Variants in PXDNL observed in about 807,000 individuals in gnomAD.
PXDNL encodes the protein probable oxidoreductase PXDNL.
A neutral mutation model predicts 150.8 loss-of-function variants in PXDNL; 145 were observed. That is an observed-to-expected ratio of 0.96 (90% CI 0.84 to 1.10). The LOEUF is 1.10. PXDNL is among the 50% of genes least tolerant of loss of function. The pLI, the probability that PXDNL is intolerant of heterozygous loss-of-function variation, is 0.00. For synonymous variants in PXDNL, 757 were observed against 725.7 expected (o/e 1.04, Z -0.69); for missense variants, 2,087 against 1,873.9 (o/e 1.11, Z -2.10).
chr8:51,670,327 G>A lies in PXDNL; in HGVS notation c.165-15567C>T, dbSNP rs536107767. Among the ~76,000 whole-genome samples the A allele has an allele frequency of 1.7e-3, 265 of 152,220 alleles. 1 individual carries two copies. Among genetic ancestry groups the A allele is most frequent in the African/African-American group, 5.2e-3 (214 of 41,540 alleles). ...ATGCCTGACTTAATGATGGGGATACGTTCATAGAAATATGTTGTTCGATGA... is the reference window on the plus strand; with the variant it reads ...ATGCCTGACTTAATGATGGGGATACATTCATAGAAATATGTTGTTCGATGA... On this transcript the variant is annotated intron_variant, in intron 1 of 22. Transcript: ENST00000356297.
chr8:51,637,249 A>G (rs1288278659), intron 2 of PXDNL, among the ~76,000 whole-genome samples: 2 of 152,248 alleles, frequency 1.3e-5, no homozygotes, highest in East Asian at 1.9e-4. Context: ...AAAGATGGGG[A>G]AAAAAACAGA....
chr8:51,742,271 G>A (rs4311651), intron 1 of PXDNL, among the ~76,000 whole-genome samples: 21,904 of 152,156 alleles, frequency 0.14, 1,989 homozygotes, highest in Non-Finnish European at 0.2. Flanking sequence ...TGTAAAAGGG[G>A]GGCAGGGTCA....
At position 51,654,675 on chromosome 8, in the gene PXDNL, C is replaced by T. The variant is rs756105646; in HGVS notation, c.236+14G>A. On this transcript the variant is annotated intron_variant, in intron 2 of 22. Coordinates refer to ENST00000356297, the MANE Select transcript of PXDNL (RefSeq NM_144651.5). ...TAATTTTAGGAACCTTACAGATAAG[C>T]AATAAGTACTCACAGTGTGTTCAAA... is the stretch of plus-strand genomic sequence containing the variant. 36 of 1,600,158 alleles carry T rather than the reference C, an allele frequency of 2.2e-5. 1 individual carries two copies. Among genetic ancestry groups the T allele is most frequent in the Non-Finnish European group, 2.9e-5 (34 of 1,168,148 alleles).
At position 51,809,394 on chromosome 8, in the gene PXDNL, C is replaced by T. The variant is rs2037711908; in HGVS notation, c.-50G>A. ...GAAGAAGCAGCCGGAGGGAGAGCAG[C>T]AGCTGCAGCTGCAGCAGCAACCGCA... On this transcript the variant is annotated 5_prime_UTR_variant, in exon 1 of 23. Coordinates refer to ENST00000356297, the MANE Select transcript of PXDNL (RefSeq NM_144651.5). 2.0e-6 allele frequency: 3 copies of T among 1,467,364 alleles called. No homozygotes were observed. The highest frequency in any genetic ancestry group is 2.7e-6 in the Non-Finnish European group (3 of 1,105,840). 90.9% of individuals were successfully genotyped at this position (1,467,364 alleles called of 1,614,324 possible).
chr8:51,485,470 T>C (rs955998342), intron 5 of PXDNL, among the ~76,000 whole-genome samples: 8 of 152,204 alleles, frequency 5.3e-5, no homozygotes, highest in Non-Finnish European at 8.8e-5. Flanking sequence ...TGTCCGATTT[T>C]AGCAAGAACC....
At chr8:51,661,282 G>T (rs2130812586) in intron 1 of PXDNL, among the ~76,000 whole-genome samples, 2 of 152,314 alleles carry the variant, frequency 1.3e-5, no homozygotes, top group African/African-American at 4.8e-5. Flanking sequence ...ATCTTCCGCT[G>T]TTGATTGCTG....
At chr8:51,625,732 T>C (rs2130743930) in intron 2 of PXDNL, among the ~76,000 whole-genome samples, 1 of 152,292 alleles carries the variant, frequency 6.6e-6, no homozygotes, top group Non-Finnish European at 1.5e-5. Flanking sequence ...AATTGAAAAA[T>C]AGAGGGAAAT....
At chr8:51,385,628 C>T (rs1048153534) in intron 17 of PXDNL, among the ~76,000 whole-genome samples, 2 of 152,162 alleles carry the variant, frequency 1.3e-5, no homozygotes, top group Admixed American at 6.5e-5. Flanking sequence ...ACATAAACTA[C>T]GTTTTTATAC....
Position 51,483,732 on chromosome 8 carries a change from A to G in PXDNL, c.453-18T>C. On this transcript the variant is annotated intron_variant, in intron 5 of 22. Coordinates refer to ENST00000356297, the MANE Select transcript of PXDNL (RefSeq NM_144651.5). Reference sequence around the variant, plus strand: ...GCAAAAATCTGAAAAAGAAAAGATAAACTTTAATCACCATACAATAATAAT... The same window carrying G: ...GCAAAAATCTGAAAAAGAAAAGATAGACTTTAATCACCATACAATAATAAT... The G allele has an allele frequency of 7.6e-7, 1 of 1,309,262 alleles. No homozygotes were observed. Among genetic ancestry groups the G allele is most frequent in the East Asian group, 2.5e-5 (1 of 39,742 alleles). The allele number at this position is 1,309,262 out of a possible 1,614,324, so 81.1% of individuals were successfully genotyped here.
intron 3 of PXDNL, among the ~76,000 whole-genome samples, chr8:51,587,636 T>C (rs1050527403): frequency 2.0e-5 from 3 of 152,220 alleles, no homozygotes; most frequent in African/African-American, 7.2e-5. Flanking sequence ...GTAATATAAA[T>C]ACTTGTAATC....
intron 4 of PXDNL, among the ~76,000 whole-genome samples, chr8:51,544,578 T>C (rs1812311598): frequency 6.6e-6 from 1 of 152,220 alleles, no homozygotes; most frequent in Admixed American, 6.5e-5. Flanking sequence ...AGAACATTTA[T>C]ACTTGAAGCA....
chr8:51,704,229 A>G (rs1306975332), intron 1 of PXDNL, among the ~76,000 whole-genome samples: 1 of 152,226 alleles, frequency 6.6e-6, no homozygotes, highest in Non-Finnish European at 1.5e-5. Context: ...TAAGCACTAT[A>G]TAATGTGGGA....
intron 21 of PXDNL, among the ~76,000 whole-genome samples, chr8:51,336,838 G>C (rs1452977175): frequency 5.3e-5 from 8 of 152,134 alleles, no homozygotes; most frequent in Non-Finnish European, 1.0e-4. Flanking sequence ...CTACAGCCTG[G>C]TCATAGCTTG....
intron 1 of PXDNL, among the ~76,000 whole-genome samples, chr8:51,656,144 C>G (rs545468522): frequency 4.5e-4 from 68 of 151,968 alleles, no homozygotes; most frequent in African/African-American, 1.4e-3. Context: ...TATTTACTTC[C>G]CCTCAATTAA....
Position 51,370,637 on chromosome 8 carries a change from C to G in PXDNL, c.3901+1236G>C, listed in dbSNP as rs1441301153. ...GGTGTCATTGAGTCTGGCTCTGTCA[C>G]CCAGGCTGGAGTGCAATGGCACAAT... On this transcript the variant is annotated intron_variant, in intron 19 of 22. Coordinates refer to ENST00000356297, the MANE Select transcript of PXDNL (RefSeq NM_144651.5). 2.0e-5 allele frequency among the ~76,000 whole-genome samples: 3 copies of G among 152,222 alleles called. No homozygotes were observed. In the East Asian group the frequency reaches 5.8e-4, roughly 29 times the overall value.
At chr8:51,509,399 C>T (rs1418721383) in intron 4 of PXDNL, among the ~76,000 whole-genome samples, 1 of 151,964 alleles carries the variant, frequency 6.6e-6, no homozygotes, top group African/African-American at 2.4e-5. Context: ...GTACATCGCT[C>T]ACAATGATAC....
intron 1 of PXDNL, among the ~76,000 whole-genome samples, chr8:51,701,556 T>A (rs1250291290): frequency 1.3e-5 from 2 of 152,208 alleles, no homozygotes; most frequent in African/African-American, 4.8e-5. Flanking sequence ...CCTCTTGGTT[T>A]TGAGCCTTGG....
At chr8:51,519,794 G>T (rs776090702) in intron 4 of PXDNL, among the ~76,000 whole-genome samples, 57 of 152,238 alleles carry the variant, frequency 3.7e-4, no homozygotes, top group Non-Finnish European at 6.8e-4. Context: ...GAGACTGGAA[G>T]TCAGGATTCC....
chr8:51,574,567 G>A (rs191662849), intron 3 of PXDNL, among the ~76,000 whole-genome samples: 1 of 152,042 alleles, frequency 6.6e-6, no homozygotes, highest in Non-Finnish European at 1.5e-5. Context: ...ACAGATTCAA[G>A]TTGCTGAGTG....
Sources: allele counts gnomAD v4.1 joint callset (sites outside exome capture counted in the v4.1 genomes callset), GRCh38; gene constraint gnomAD v4.1.1; transcripts MANE v1.5; gene names NCBI Gene and HGNC (gene_info 2026-07-23, HGNC 2026-07-21).